Variants in TACC2 observed in about 807,000 individuals in gnomAD.
The protein encoded by TACC2 is transforming acidic coiled-coil-containing protein 2.
TACC2 carries 137 observed loss-of-function variants against 227.3 expected under a neutral mutation model. The observed-to-expected ratio is 0.60, with a 90% CI of 0.52 to 0.69. The LOEUF (loss-of-function observed/expected upper bound fraction) is 0.69. Ranked by LOEUF, TACC2 falls within the 30% of genes least tolerant of loss-of-function variation. The pLI is 0.00. For synonymous variants in TACC2, 1,523 were observed against 1,487.5 expected (o/e 1.02, Z -0.55); for missense variants, 3,470 against 3,694.4 (o/e 0.94, Z 1.57).
chr10:122,014,561 C>T (rs1362874744), intron 1 of TACC2, among the ~76,000 whole-genome samples: 1 of 152,164 alleles, frequency 6.6e-6, no homozygotes, highest in African/African-American at 2.4e-5. Flanking sequence ...CCCCTCTCCA[C>T]CCCATGCTCA....
chr10:122,008,246 G>GTTATTGTTA lies in TACC2; in HGVS notation c.-45-13686_-45-13685insGTTATTATT, dbSNP rs1554958020. On this transcript the variant is annotated intron_variant, in intron 1 of 22. Coordinates refer to ENST00000369005, the MANE Select transcript of TACC2 (RefSeq NM_206862.4). ...TCCTTTGAATTCTGTCTATCCCTTT[G>GTTATTGTTA]TTATTATTATTATTATTATTTTTTT... 6.0e-4 allele frequency among the ~76,000 whole-genome samples: 67 copies of GTTATTGTTA among 111,874 alleles called. 3 individuals are homozygous for GTTATTGTTA. The highest frequency in any genetic ancestry group is 1.9e-3 in the Admixed American group (21 of 11,172). The allele number at this position is 111,874 out of a possible 152,430, so 73.4% of individuals were successfully genotyped here.
chr10:122,134,168 GTTC>G (rs2089022649), intron 6 of TACC2, among the ~76,000 whole-genome samples: 1 of 145,748 alleles, frequency 6.9e-6, no homozygotes, highest in Non-Finnish European at 1.5e-5. Context: ...GTCAGCCATA[GTTC>G]TTTTTTTTTT....
intron 7 of TACC2, among the ~76,000 whole-genome samples, chr10:122,148,967 C>T (rs569298631): frequency 6.6e-6 from 1 of 152,260 alleles, no homozygotes; most frequent in Non-Finnish European, 1.5e-5. Context: ...GCCTTCCTTT[C>T]CCCTCCATCG....
chr10:122,204,991 C>A (rs1593317750), intron 8 of TACC2, among the ~76,000 whole-genome samples: 2 of 152,302 alleles, frequency 1.3e-5, no homozygotes, highest in East Asian at 3.9e-4. Flanking sequence ...AGCAAAGCCT[C>A]CCCTTAGGTG....
intron 7 of TACC2, among the ~76,000 whole-genome samples, chr10:122,161,173 C>T (rs889453333): frequency 6.6e-6 from 1 of 152,124 alleles, no homozygotes; most frequent in African/African-American, 2.4e-5. Context: ...TGGGCTCAAG[C>T]AATCCTCCCA....
At chr10:122,091,763 G>A (rs1280395404) in intron 5 of TACC2, among the ~76,000 whole-genome samples, 3 of 152,202 alleles carry the variant, frequency 2.0e-5, no homozygotes, top group Non-Finnish European at 1.5e-5. Flanking sequence ...CCTAGGAGGG[G>A]CAGGTGTTGC....
intron 2 of TACC2, among the ~76,000 whole-genome samples, chr10:122,033,945 A>G (rs1959283577): frequency 6.6e-6 from 1 of 152,098 alleles, no homozygotes; most frequent in Non-Finnish European, 1.5e-5. Flanking sequence ...TGAGGTCAGG[A>G]GTTCGAGACC....
chr10:122,211,793 C>T lies in TACC2; in HGVS notation c.7283+85C>T, dbSNP rs369271864. 1.4e-5 allele frequency: 18 copies of T among 1,242,410 alleles called. No homozygotes were observed. The Admixed American group carries it at 1.7e-4, about 12-fold the overall frequency. The allele number at this position is 1,242,410 out of a possible 1,614,324, so 77.0% of individuals were successfully genotyped here. On this transcript the variant is annotated intron_variant, in intron 9 of 22. Transcript: ENST00000369005. ...CTTGGTCATGTGCCTGGATAACCTTCGACTGCCCTAACCTTGCCCCTGGGT... is the reference window on the plus strand; with the variant it reads ...CTTGGTCATGTGCCTGGATAACCTTTGACTGCCCTAACCTTGCCCCTGGGT...
chr10:122,213,999 G>T (rs1301064609), intron 9 of TACC2, among the ~76,000 whole-genome samples: 1 of 152,154 alleles, frequency 6.6e-6, no homozygotes, highest in East Asian at 1.9e-4. Flanking sequence ...CCATCTGTGG[G>T]TCACCCTGCC....
At chr10:122,022,160 T>C (rs1226432927) in intron 2 of TACC2, 146 bp downstream of exon 2, 1 of 690,686 alleles carries the variant, frequency 1.4e-6, no homozygotes, top group African/African-American at 1.8e-5. Flanking sequence ...TATGGATCTA[T>C]GCAGCCATTT....
chr10:122,142,602 C>T (rs1292278693), intron 6 of TACC2, among the ~76,000 whole-genome samples: 2 of 152,206 alleles, frequency 1.3e-5, no homozygotes. Flanking sequence ...CTCCTGCAAT[C>T]TGGGAGCTCC....
At chr10:122,156,661 C>T (rs1308738769) in intron 7 of TACC2, among the ~76,000 whole-genome samples, 1 of 152,220 alleles carries the variant, frequency 6.6e-6, no homozygotes, top group Non-Finnish European at 1.5e-5. Flanking sequence ...CTGACTGTGC[C>T]AGCTGCCCTT....
At chr10:122,098,818 T>A (rs998870612) in intron 5 of TACC2, among the ~76,000 whole-genome samples, 5 of 152,204 alleles carry the variant, frequency 3.3e-5, no homozygotes, top group Non-Finnish European at 4.4e-5. Flanking sequence ...TTTGTTGGAA[T>A]GTGCCACTAC....
chr10:122,220,006 C>T (rs563510762), intron 11 of TACC2, among the ~76,000 whole-genome samples: 21 of 151,516 alleles, frequency 1.4e-4, no homozygotes, highest in African/African-American at 4.8e-4. Context: ...CCCCTGCACT[C>T]CAGCCTGGGT....
At chr10:122,204,585 C>T (rs1486595439) in intron 8 of TACC2, among the ~76,000 whole-genome samples, 1 of 152,220 alleles carries the variant, frequency 6.6e-6, no homozygotes, top group Non-Finnish European at 1.5e-5. Context: ...CCTGTCATCT[C>T]AGCACTTTGG....
chr10:122,155,673 T>G (rs2092413184), intron 7 of TACC2, among the ~76,000 whole-genome samples: 1 of 152,152 alleles, frequency 6.6e-6, no homozygotes, highest in African/African-American at 2.4e-5. Flanking sequence ...GTGTCTGCTG[T>G]GGGCCACCCT....
rs1475275986 is a variant in TACC2, at chr10:122,084,713, G to A, written c.2213G>A (p.Gly738Asp). The change falls in exon 4 of 23, where the codon GGT (glycine) becomes GAT (aspartate). Residue 738 changes from glycine (G) to aspartate (D), a missense_variant. By Grantham distance (94) the Gly-to-Asp change is moderately conservative. Coordinates refer to ENST00000369005, the MANE Select transcript of TACC2 (RefSeq NM_206862.4). ...GAGGTTGCACCCAAAGCCCAGGAAG[G>A]TGAGAGCACATTGGAAATAAGGAAG... The part of the protein sequence containing the change: ...VAEVAPKAQE[G>D]ESTLEIRKMG... 5.0e-6 allele frequency: 8 copies of A among 1,613,540 alleles called. No homozygotes were observed. Among genetic ancestry groups the A allele is most frequent in the Non-Finnish European group, 6.8e-6 (8 of 1,180,046 alleles).
In TACC2 at chr10:122,086,032, CG is replaced by C. The variant is rs1565260344; in HGVS notation, c.3533del (p.Arg1178LeufsTer76). 1 of 1,613,970 alleles carries C rather than the reference CG, an allele frequency of 6.2e-7. No individual in the cohort carries two copies. Among genetic ancestry groups the C allele is most frequent in the Admixed American group, 1.7e-5 (1 of 60,016 alleles). ...SGEEASTSAL[R>X]ESCQAEHPMA... is the part of the protein sequence containing the mutation. ...GGAGGAAGCTTCTACCTCTGCCCTA[CG>C]TGAGTCCTGCCAAGCTGAGCACCCC... is the stretch of plus-strand genomic sequence containing the variant. On this transcript the variant is annotated frameshift_variant, in exon 4 of 23. Transcript: ENST00000369005. LOFTEE classifies it high-confidence loss of function.
chr10:122,191,954 T>G (rs1256932740), intron 7 of TACC2, among the ~76,000 whole-genome samples: 2 of 152,214 alleles, frequency 1.3e-5, no homozygotes, highest in Admixed American at 1.3e-4. Flanking sequence ...CTGCTTTATT[T>G]TTATGTACAG....
Sources: allele counts gnomAD v4.1 joint callset (sites outside exome capture counted in the v4.1 genomes callset), GRCh38; gene constraint gnomAD v4.1.1; transcripts MANE v1.5; gene names NCBI Gene and HGNC (gene_info 2026-07-23, HGNC 2026-07-21).